Variants in ROBO1 observed in about 807,000 individuals in gnomAD.
ROBO1 encodes roundabout guidance receptor 1, also known as roundabout homolog 1.
In ROBO1, 149 loss-of-function variants were observed where a neutral mutation model predicts 195.9. The observed-to-expected ratio is 0.76, with a 90% confidence interval of 0.67 to 0.87. The LOEUF is 0.87. Ranked by LOEUF, ROBO1 falls within the 40% of genes least tolerant of loss-of-function variation. The pLI, the probability that ROBO1 is intolerant of heterozygous loss-of-function variation, is 0.00. For missense variants in ROBO1, 1,933 were observed against 2,068.3 expected (o/e 0.93, Z 1.27); for synonymous variants, 816 against 733.2 (o/e 1.11, Z -1.82).
At chr3:79,371,274 A>G (rs1308842110) in intron 2 of ROBO1, among the ~76,000 whole-genome samples, 2 of 152,196 alleles carry the variant, frequency 1.3e-5, no homozygotes, top group East Asian at 3.9e-4. Flanking sequence ...TGTCTTCCAC[A>G]ATGGTTGAAC....
At chr3:79,671,951 C>T (rs908893002) in intron 1 of ROBO1, among the ~76,000 whole-genome samples, 2 of 152,032 alleles carry the variant, frequency 1.3e-5, no homozygotes. Flanking sequence ...CCAACAACTG[C>T]GAATTGCAAC....
chr3:79,615,383 A>T (rs987886015), intron 1 of ROBO1, among the ~76,000 whole-genome samples: 6 of 152,170 alleles, frequency 3.9e-5, no homozygotes, highest in Non-Finnish European at 8.8e-5. Flanking sequence ...TGCACAACGT[A>T]CATGTATTGA....
intron 3 of ROBO1, among the ~76,000 whole-genome samples, chr3:79,080,059 C>T (rs560164242): frequency 4.0e-5 from 6 of 151,606 alleles, no homozygotes; most frequent in Admixed American, 6.6e-5. Context: ...AGAATATAAA[C>T]AAGATGATAA....
chr3:79,746,783 C>T (rs1703895757), intron 1 of ROBO1, among the ~76,000 whole-genome samples: 1 of 151,960 alleles, frequency 6.6e-6, no homozygotes, highest in African/African-American at 2.4e-5. Context: ...TCAGAGATAG[C>T]CTAAAATAGT....
At chr3:79,189,863 T>C (rs1468345042) in intron 2 of ROBO1, among the ~76,000 whole-genome samples, 3 of 151,706 alleles carry the variant, frequency 2.0e-5, no homozygotes, top group East Asian at 1.9e-4. Flanking sequence ...ATACATGATA[T>C]AGAATTTATA....
At chr3:79,631,982 T>C (rs745688752) in intron 1 of ROBO1, among the ~76,000 whole-genome samples, 5 of 152,104 alleles carry the variant, frequency 3.3e-5, no homozygotes, top group Non-Finnish European at 5.9e-5. Context: ...ACAACAGATA[T>C]TGGTGAGATC....
intron 4 of ROBO1, among the ~76,000 whole-genome samples, chr3:78,902,163 T>C (rs937295520): frequency 2.0e-5 from 3 of 152,164 alleles, no homozygotes; most frequent in African/African-American, 7.2e-5. Context: ...CTAGGATTTA[T>C]GAAATAAATA....
At chr3:79,729,509 T>A (rs79782966) in intron 1 of ROBO1, among the ~76,000 whole-genome samples, 1,878 of 152,336 alleles carry the variant, frequency 0.012, 33 homozygotes, top group African/African-American at 0.041. Context: ...TGTTTGTTTA[T>A]TATTGACTGT....
intron 2 of ROBO1, among the ~76,000 whole-genome samples, chr3:79,390,230 T>G (rs189639250): frequency 6.6e-6 from 1 of 152,216 alleles, no homozygotes; most frequent in African/African-American, 2.4e-5. Context: ...GTCTGTGTAG[T>G]GCTTGAAATG....
intron 7 of ROBO1, among the ~76,000 whole-genome samples, chr3:78,715,556 G>A (rs2081882045): frequency 6.6e-6 from 1 of 152,104 alleles, no homozygotes; most frequent in African/African-American, 2.4e-5. Context: ...TTTGGAGATG[G>A]AGTCACACTC....
intron 3 of ROBO1, among the ~76,000 whole-genome samples, chr3:79,116,773 C>A (rs1391636975): frequency 6.6e-6 from 1 of 152,014 alleles, no homozygotes; most frequent in East Asian, 1.9e-4. Context: ...CCACCTTGGC[C>A]TCCCAAATTG....
At chr3:78,767,273 TTA>T (rs2083254528) in intron 4 of ROBO1, among the ~76,000 whole-genome samples, 4 of 151,942 alleles carry the variant, frequency 2.6e-5, no homozygotes, top group South Asian at 2.1e-4. Flanking sequence ...TGTCGGTAAT[TTA>T]TTTTATTTTA....
At chr3:79,100,913 T>A (rs1203928623) in intron 3 of ROBO1, among the ~76,000 whole-genome samples, 1 of 151,878 alleles carries the variant, frequency 6.6e-6, no homozygotes, top group Non-Finnish European at 1.5e-5. Flanking sequence ...TCTTCCAGGA[T>A]AATCTATAAT....
At chr3:78,705,155 T>C (rs1406064448) in intron 8 of ROBO1, among the ~76,000 whole-genome samples, 1 of 152,190 alleles carries the variant, frequency 6.6e-6, no homozygotes, top group African/African-American at 2.4e-5. Flanking sequence ...CAGGGAGGGA[T>C]AGTAATTATG....
At chr3:79,499,088 C>T (rs1939912249) in intron 2 of ROBO1, among the ~76,000 whole-genome samples, 1 of 152,108 alleles carries the variant, frequency 6.6e-6, no homozygotes, top group South Asian at 2.1e-4. Context: ...TCTGCCTCTC[C>T]GGTTCAAGGG....
rs145740778 is a variant in ROBO1 at position 79,059,077 on chromosome 3, G to A, written c.172+66379C>T. On this transcript the variant is annotated intron_variant, in intron 3 of 30. Transcript: ENST00000464233. ...CAGTCTGTTATTTGGCTTGGAGATC[G>A]GGTAGTGAGTCTCGAATATTGCATG... 6.6e-3 allele frequency among the ~76,000 whole-genome samples: 1,001 copies of A among 152,178 alleles called. 8 individuals are homozygous for A. Among genetic ancestry groups the A allele is most frequent in the Non-Finnish European group, 9.3e-3 (629 of 67,984 alleles).
At position 79,583,180 on chromosome 3, in the gene ROBO1, T is replaced by A. The variant is rs185482138; in HGVS notation, c.88+6644A>T. Among the ~76,000 whole-genome samples, 473 of 152,142 alleles carry A rather than the reference T, an allele frequency of 3.1e-3. 2 individuals are homozygous for A. The highest frequency in any genetic ancestry group is 0.01 in the African/African-American group (423 of 41,560). Reference sequence around the variant, plus strand: ...ATGGTGTTCCTATTCTGAACAGTTTTCTTTAAACTTAGTGATTAAGTTTTT... The same window carrying A: ...ATGGTGTTCCTATTCTGAACAGTTTACTTTAAACTTAGTGATTAAGTTTTT... On this transcript the variant is annotated intron_variant, in intron 2 of 30. Transcript: ENST00000464233.
At chr3:79,391,679 T>G (rs2106709153) in intron 2 of ROBO1, among the ~76,000 whole-genome samples, 1 of 152,300 alleles carries the variant, frequency 6.6e-6, no homozygotes, top group East Asian at 1.9e-4. Context: ...TTATGCATTT[T>G]TATAGTATGA....
intron 5 of ROBO1, among the ~76,000 whole-genome samples, chr3:78,725,754 G>A (rs1442691329): frequency 1.3e-5 from 2 of 152,034 alleles, no homozygotes; most frequent in Non-Finnish European, 2.9e-5. Flanking sequence ...TTTTTGTTCA[G>A]TTCCCTTTTA....
Sources: allele counts gnomAD v4.1 joint callset (sites outside exome capture counted in the v4.1 genomes callset), GRCh38; gene constraint gnomAD v4.1.1; transcripts MANE v1.5; gene names NCBI Gene and HGNC (gene_info 2026-07-23, HGNC 2026-07-21).